The following PPP2R5C variants were observed in gnomAD, a reference collection of about 807,000 sequenced individuals.
The protein encoded by PPP2R5C is serine/threonine-protein phosphatase 2A 56 kDa regulatory subunit gamma isoform.
PPP2R5C carries 7 observed loss-of-function variants against 68.9 expected under a neutral mutation model. The ratio of observed to expected loss-of-function variants is 0.10; its 90% confidence interval spans 0.06 to 0.19. The LOEUF is 0.19. Among genes scored for constraint, PPP2R5C ranks in the 10% least tolerant of loss-of-function variants. PPP2R5C has a pLI of 1.00. For synonymous variants in PPP2R5C, 210 were observed against 222.2 expected (o/e 0.95, Z 0.49); for missense variants, 348 against 641.3 (o/e 0.54, Z 4.94).
intron 8 of PPP2R5C, among the ~76,000 whole-genome samples, chr14:101,897,548 C>T (rs575508931): frequency 1.1e-4 from 16 of 151,930 alleles, no homozygotes; most frequent in Non-Finnish European, 1.0e-4. Context: ...GCGTCCGGCA[C>T]GGGAGAAAGA....
chr14:101,810,237 G>C, intron 1 of PPP2R5C: 1 of 580,358 alleles, frequency 1.7e-6, no homozygotes, highest in Non-Finnish European at 3.1e-6. Context: ...GCTTGAAAGA[G>C]GCCTTGCATG....
chr14:101,922,041 A>C (rs1173800214), intron 13 of PPP2R5C: 1 of 985,314 alleles, frequency 1.0e-6, no homozygotes, highest in Non-Finnish European at 1.2e-6. Flanking sequence ...GAGAGACGGA[A>C]GGTGGGCAGT....
In PPP2R5C at chr14:101,909,708, C is replaced by T. The variant is rs1163241417; in HGVS notation, c.1253+18C>T. On this transcript the variant is annotated intron_variant, in intron 11 of 13. Transcript: ENST00000334743. ...AAACTAAAGTGAGTTGTTCCTTTCA[C>T]AAGTTACTGTTTCCAGGATTTTTTT... 6.5e-7 allele frequency: 1 copy of T among 1,529,972 alleles called. No homozygotes were observed. Among genetic ancestry groups the T allele is most frequent in the South Asian group, 1.1e-5 (1 of 87,654 alleles). 94.8% of individuals were successfully genotyped at this position (1,529,972 alleles called of 1,614,324 possible).
Position 101,835,326 on chromosome 14 carries a change from CG to C in PPP2R5C, c.95-21359del, listed in dbSNP as rs2041018648. ...GAGGTGCATTACACCGAGGAACTGA[CG>C]TGGCCTAAACTCCACAGTGACTTCC... On this transcript the variant is annotated intron_variant, in intron 1 of 13. Transcript: ENST00000334743. This position sits in a 1 kb window ranked among gnomAD's most constrained non-coding sequence, Gnocchi z 5.0. Among the ~76,000 whole-genome samples, 1 of 152,174 alleles carries C rather than the reference CG, an allele frequency of 6.6e-6. No homozygotes were observed. Among genetic ancestry groups the C allele is most frequent in the Non-Finnish European group, 1.5e-5 (1 of 68,036 alleles).
chr14:101,857,329 G>A (rs926493732), intron 2 of PPP2R5C, among the ~76,000 whole-genome samples: 1 of 152,148 alleles, frequency 6.6e-6, no homozygotes, highest in Non-Finnish European at 1.5e-5. Context: ...CCAAGCTGGT[G>A]TCAGAATAGT....
intron 2 of PPP2R5C, among the ~76,000 whole-genome samples, chr14:101,769,666 A>T (rs2037049913): frequency 6.6e-6 from 1 of 152,210 alleles, no homozygotes; most frequent in African/African-American, 2.4e-5. Flanking sequence ...GGAAAATTTT[A>T]AAAAGTAGAG....
intron 1 of PPP2R5C, among the ~76,000 whole-genome samples, chr14:101,834,370 G>A (rs1163994802): frequency 6.6e-6 from 1 of 152,208 alleles, no homozygotes. Context: ...CCCTCTTCAA[G>A]CCAAACAAAA....
At chr14:101,815,346 A>G (rs559820077) in intron 1 of PPP2R5C, among the ~76,000 whole-genome samples, 2 of 152,278 alleles carry the variant, frequency 1.3e-5, no homozygotes, top group Admixed American at 1.3e-4. Context: ...TGTTTTCTGT[A>G]CAGTGGTAAT....
chr14:101,883,841 T>C (rs2140906058), intron 5 of PPP2R5C, among the ~76,000 whole-genome samples: 1 of 152,318 alleles, frequency 6.6e-6, no homozygotes, highest in African/African-American at 2.4e-5. Flanking sequence ...CTGTTTCTAC[T>C]GAAAGGTCAA....
At chr14:101,890,255 G>A (rs763811464) in exon 6 of PPP2R5C, 2 of 1,613,766 alleles carry the variant, frequency 1.2e-6, no homozygotes, top group East Asian at 2.2e-5. Context: ...ATGAAACAGA[G>A]CATCATAATG....
chr14:101,921,150 C>T (rs976038832), intron 13 of PPP2R5C: 1 of 251,418 alleles, frequency 4.0e-6, no homozygotes. Context: ...TCACTGCAGC[C>T]TCGGCCTCCT....
chr14:101,793,130 G>A (rs61994026), intron 3 of PPP2R5C, among the ~76,000 whole-genome samples: 12,793 of 151,952 alleles, frequency 0.084, 605 homozygotes, highest in Middle Eastern at 0.14. Flanking sequence ...CACCCACCTC[G>A]GCCTCCCAAA....
chr14:101,852,530 G>T (rs2042225859), intron 1 of PPP2R5C, among the ~76,000 whole-genome samples: 1 of 137,668 alleles, frequency 7.3e-6, no homozygotes, highest in African/African-American at 2.8e-5. Flanking sequence ...ATACAGTGGT[G>T]TGATCTCAGT....
intron 1 of PPP2R5C, among the ~76,000 whole-genome samples, chr14:101,853,729 G>A (rs2042277271): frequency 6.6e-6 from 1 of 152,118 alleles, no homozygotes; most frequent in Admixed American, 6.5e-5. Context: ...AGCTGTGTTG[G>A]CTCTCGTACC....
At chr14:101,909,533 G>A in intron 10 of PPP2R5C, 56 bp from the exon 13 acceptor site, 1 of 1,241,514 alleles carries the variant, frequency 8.1e-7, no homozygotes, top group East Asian at 2.4e-5. Context: ...GAGTGGAGAG[G>A]CGAGGGCTCA....
chr14:101,919,172 C>T (rs752865451), intron 13 of PPP2R5C, among the ~76,000 whole-genome samples: 10 of 152,226 alleles, frequency 6.6e-5, no homozygotes, highest in Non-Finnish European at 1.3e-4. Context: ...CTCACGGCAC[C>T]AAGTCCCCAC....
chr14:101,895,216 CT>C (rs1181352337), intron 8 of PPP2R5C, among the ~76,000 whole-genome samples: 1 of 152,132 alleles, frequency 6.6e-6, no homozygotes, highest in Non-Finnish European at 1.5e-5. Flanking sequence ...TTTGAAACAA[CT>C]TTATTGAGAT....
At position 101,890,400 on chromosome 14, in the gene PPP2R5C, C is replaced by A. The variant is rs2044790446; in HGVS notation, c.689+104C>A. 5 of 1,111,370 alleles carry A rather than the reference C, an allele frequency of 4.5e-6. No homozygotes were observed. The African/African-American group carries it at 6.3e-5, about 14-fold the overall frequency. The allele number at this position is 1,111,370 out of a possible 1,614,324, so 68.8% of individuals were successfully genotyped here. On this transcript the variant is annotated intron_variant, in intron 6 of 13. Coordinates refer to ENST00000334743, the Ensembl canonical transcript of PPP2R5C. ...CCGCTTTAAAGCAAGGCAGTTTAAA[C>A]CATTCTCTAAAAGAATTCAAATACA...
intron 2 of PPP2R5C, among the ~76,000 whole-genome samples, chr14:101,858,066 G>C (rs1470976733): frequency 6.6e-6 from 1 of 152,104 alleles, no homozygotes; most frequent in Non-Finnish European, 1.5e-5. Context: ...CATGTAGTCG[G>C]CCTAAGGACT....
Sources: allele counts gnomAD v4.1 joint callset (sites outside exome capture counted in the v4.1 genomes callset), GRCh38; gene constraint gnomAD v4.1.1; non-coding constraint Gnocchi (gnomAD v3.1); transcripts MANE v1.5; gene names NCBI Gene and HGNC (gene_info 2026-07-23, HGNC 2026-07-21).